The following AMN1 variants were observed in gnomAD, a reference collection of about 807,000 sequenced individuals.
AMN1 encodes antagonist of mitotic exit network 1 homolog.
Under a neutral mutation model 33.0 loss-of-function variants are expected in AMN1, and 20 were observed. The ratio of observed to expected loss-of-function variants is 0.61; its 90% confidence interval spans 0.43 to 0.88. The LOEUF is 0.88. AMN1 is among the 40% of genes least tolerant of loss of function. The probability of loss-of-function intolerance (pLI) is 0.00; values close to 1 mark genes in which losing one functional copy is unlikely to be tolerated. For synonymous variants in AMN1, 114 were observed against 111.9 expected (o/e 1.02, Z -0.12); for missense variants, 246 against 307.4 (o/e 0.80, Z 1.49).
At chr12:31,682,926 A>G (rs1938089549) in intron 6 of AMN1, among the ~76,000 whole-genome samples, 1 of 152,088 alleles carries the variant, frequency 6.6e-6, no homozygotes, top group African/African-American at 2.4e-5. Context: ...GCAGCCACAC[A>G]AAAATATAAG....
intron 1 of AMN1, among the ~76,000 whole-genome samples, chr12:31,726,979 C>CTATT (rs1279653170): frequency 1.9e-5 from 1 of 51,748 alleles, no homozygotes; most frequent in Admixed American, 2.1e-4. Context: ...ATTTATTTAT[C>CTATT]TATTTATTTA....
rs117572547 is a variant in AMN1, at chr12:31,718,960, A to T, written c.39-9535T>A. ...GTCGATCTCAGACTGCTGCGCTAGCAGCGAGCAAGGCTCCGTGGGTATGGG... is the reference window on the plus strand; with the variant it reads ...GTCGATCTCAGACTGCTGCGCTAGCTGCGAGCAAGGCTCCGTGGGTATGGG... On this transcript the variant is annotated intron_variant, in intron 1 of 6. Coordinates refer to ENST00000281471, the MANE Select transcript of AMN1 (RefSeq NM_001113402.2). Among the ~76,000 whole-genome samples the T allele has an allele frequency of 8.2e-4, 125 of 152,388 alleles. No individual in the cohort carries two copies. The East Asian group carries it at 0.018, about 23-fold the overall frequency.
chr12:31,697,591 A>G, intron 4 of AMN1, 149 bp downstream of exon 4: 1 of 1,014,656 alleles, frequency 9.9e-7, no homozygotes, highest in Non-Finnish European at 1.5e-6. Flanking sequence ...ATGCCAATAT[A>G]TATCTCAATT....
chr12:31,689,891 C>T (rs1045558701), intron 5 of AMN1, among the ~76,000 whole-genome samples: 1 of 152,114 alleles, frequency 6.6e-6, no homozygotes, highest in African/African-American at 2.4e-5. Context: ...GATTTTTAGT[C>T]TTTTACCCCT....
chr12:31,676,464 G>A (rs1937704891), intron 6 of AMN1, among the ~76,000 whole-genome samples: 1 of 151,128 alleles, frequency 6.6e-6, no homozygotes, highest in South Asian at 2.1e-4. Flanking sequence ...GCAAAAATTA[G>A]CCAGAATTTG....
intron 1 of AMN1, among the ~76,000 whole-genome samples, chr12:31,726,100 C>G (rs1940053569): frequency 6.6e-6 from 1 of 152,048 alleles, no homozygotes; most frequent in Non-Finnish European, 1.5e-5. Context: ...ACACTTCTTC[C>G]TCCATAATAG....
rs57266162 is a variant in AMN1, at chr12:31,722,130, GACACACACACACAC to G, written c.38+6827_38+6840del. On this transcript the variant is annotated intron_variant, in intron 1 of 6. Coordinates refer to ENST00000281471, the MANE Select transcript of AMN1 (RefSeq NM_001113402.2). ...GACAAGTTGACTATATCAGGCCTTT[GACACACACACACAC>G]ACACACACACACACACACACACACA... Among the ~76,000 whole-genome samples the G allele has an allele frequency of 1.4e-3, 196 of 144,056 alleles. 1 individual carries two copies. The highest frequency in any genetic ancestry group is 3.5e-3 in the African/African-American group (132 of 38,202). The allele number at this position is 144,056 out of a possible 152,430, so 94.5% of individuals were successfully genotyped here.
At chr12:31,695,351 A>ACAG (rs1159723813) in intron 5 of AMN1, among the ~76,000 whole-genome samples, 1 of 152,212 alleles carries the variant, frequency 6.6e-6, no homozygotes, top group African/African-American at 2.4e-5. Context: ...CAGTTAGTAT[A>ACAG]CAGCCTGGCA....
intron 6 of AMN1, among the ~76,000 whole-genome samples, chr12:31,686,952 T>A (rs1938290732): frequency 6.6e-6 from 1 of 152,224 alleles, no homozygotes. Context: ...TTTTTCCTAC[T>A]CTTGTTCCTT....
chr12:31,671,332 C>T lies in AMN1; in HGVS notation c.*972G>A, dbSNP rs566089868. On this transcript the variant is annotated 3_prime_UTR_variant, in exon 7 of 7. Transcript: ENST00000281471. ...ACAAGAAATGGAGTTGAATAAGTAC[C>T]CCCCAACATATACAAGAAAGTTAGC... is the stretch of plus-strand genomic sequence containing the variant. The T allele has an allele frequency of 2.6e-5, 4 of 152,102 alleles. No homozygotes were observed. The highest frequency in any genetic ancestry group is 9.6e-5 in the African/African-American group (4 of 41,466). 9.4% of individuals were successfully genotyped at this position (152,102 alleles called of 1,614,324 possible). A position where few individuals can be genotyped will look rare whatever the true frequency, so the allele number is the denominator to read the frequency against.
chr12:31,688,772 T>C (rs560257444), intron 6 of AMN1, among the ~76,000 whole-genome samples: 1 of 152,130 alleles, frequency 6.6e-6, no homozygotes, highest in African/African-American at 2.4e-5. Flanking sequence ...GATTGCACCA[T>C]TGCACTCCAG....
intron 1 of AMN1, among the ~76,000 whole-genome samples, chr12:31,713,014 T>C (rs1418207005): frequency 6.6e-6 from 1 of 152,180 alleles, no homozygotes; most frequent in Non-Finnish European, 1.5e-5. Context: ...ATCTCTTTTA[T>C]ATATTTATTT....
At chr12:31,716,117 G>C (rs1039803617) in intron 1 of AMN1, among the ~76,000 whole-genome samples, 1 of 151,942 alleles carries the variant, frequency 6.6e-6, no homozygotes, top group Non-Finnish European at 1.5e-5. Context: ...ATTTTTCCAT[G>C]GTTTCTTTTG....
intron 1 of AMN1, among the ~76,000 whole-genome samples, chr12:31,727,606 G>C (rs1940129221): frequency 6.6e-6 from 1 of 151,834 alleles, no homozygotes; most frequent in African/African-American, 2.4e-5. Flanking sequence ...ATTTGCAACC[G>C]TCAGATACTA....
chr12:31,691,991 C>T (rs1035800408), intron 5 of AMN1, among the ~76,000 whole-genome samples: 1 of 152,022 alleles, frequency 6.6e-6, no homozygotes, highest in African/African-American at 2.4e-5. Context: ...GATTTTTCTG[C>T]CTCAGCCTCC....
At chr12:31,674,734 A>G (rs555276185) in intron 6 of AMN1, among the ~76,000 whole-genome samples, 1 of 151,682 alleles carries the variant, frequency 6.6e-6, no homozygotes, top group Admixed American at 6.6e-5. Context: ...AGAAACACCA[A>G]TTGGCTGGGT....
chr12:31,679,004 C>G (rs1164798239), intron 6 of AMN1, among the ~76,000 whole-genome samples: 2 of 152,134 alleles, frequency 1.3e-5, no homozygotes, highest in South Asian at 2.1e-4. Flanking sequence ...AAGCAAACCA[C>G]TTGGGTCTTA....
chr12:31,673,996 T>C (rs755148394), intron 6 of AMN1, among the ~76,000 whole-genome samples: 2 of 152,166 alleles, frequency 1.3e-5, no homozygotes, highest in Non-Finnish European at 2.9e-5. Context: ...GCGTTACTTT[T>C]TAGAGGAAAG....
chr12:31,713,223 T>C (rs948706608), intron 1 of AMN1, among the ~76,000 whole-genome samples: 1 of 152,168 alleles, frequency 6.6e-6, no homozygotes, highest in African/African-American at 2.4e-5. Flanking sequence ...GTGTTATATA[T>C]ATATGTATGT....
Sources: allele counts gnomAD v4.1 joint callset (sites outside exome capture counted in the v4.1 genomes callset), GRCh38; gene constraint gnomAD v4.1.1; transcripts MANE v1.5; gene names NCBI Gene and HGNC (gene_info 2026-07-23, HGNC 2026-07-21).